Variants in APOO observed in about 807,000 individuals in gnomAD.
The protein encoded by APOO is apolipoprotein O, also known as MICOS complex subunit MIC26.
A neutral mutation model predicts 23.1 loss-of-function variants in APOO; 11 were observed. The observed-to-expected ratio is 0.48, with a 90% confidence interval of 0.30 to 0.79. The LOEUF (loss-of-function observed/expected upper bound fraction) is 0.79, where lower values mean the gene tolerates loss of function less well. Ranked by LOEUF, APOO falls within the 30% of genes least tolerant of loss-of-function variation. The pLI is 0.07. For missense variants in APOO, 160 were observed against 142.7 expected, an observed-to-expected ratio of 1.12 and a Z score of -0.62; for synonymous variants, 59 against 54.8, an observed-to-expected ratio of 1.08 and a Z score of -0.34.
chrX:23,902,843 G>A (rs768181105), intron 1 of APOO, among the ~76,000 whole-genome samples: 10 of 110,813 alleles, frequency 9.0e-5, no homozygotes, highest in Admixed American at 7.7e-4. Flanking sequence ...CCCAAACCCC[G>A]ATCAATCCTA....
intron 1 of APOO, among the ~76,000 whole-genome samples, chrX:23,900,751 G>T (rs1302357141): frequency 1.8e-5 from 2 of 108,520 alleles, no homozygotes; most frequent in African/African-American, 6.7e-5. Context: ...AGGCTGAAAA[G>T]ATTGCATCCA....
In APOO at chrX:23,858,628, A is replaced by G; in HGVS notation, c.480+14T>C. On this transcript the variant is annotated intron_variant, in intron 6 of 8. Transcript: ENST00000379226. Reference sequence around the variant, plus strand: ...AAGAATGAGGGACATCATGGATTACAGAGTTTCTCTTACCTGGGCAAACAC... The same window carrying G: ...AAGAATGAGGGACATCATGGATTACGGAGTTTCTCTTACCTGGGCAAACAC... The G allele has an allele frequency of 8.3e-7, 1 of 1,198,818 alleles. No homozygotes were observed. Among genetic ancestry groups the G allele is most frequent in the Non-Finnish European group, 1.1e-6 (1 of 886,360 alleles).
intron 8 of APOO, among the ~76,000 whole-genome samples, chrX:23,837,852 G>T (rs5925913): frequency 0.48 from 49,819 of 102,824 alleles, 12,146 homozygotes; most frequent in African/African-American, 0.89. Flanking sequence ...TAGAGACAGG[G>T]TTTCGCCATA....
intron 6 of APOO, 125 bp downstream of exon 6, chrX:23,858,517 C>T (rs1275048902): frequency 1.8e-6 from 1 of 568,968 alleles, no homozygotes; most frequent in East Asian, 3.6e-5. Context: ...CTGTATTCAT[C>T]TATATGTACA....
chrX:23,840,479 A>C, intron 7 of APOO, 102 bp from the exon 8 acceptor site: 1 of 757,990 alleles, frequency 1.3e-6, no homozygotes, highest in Non-Finnish European at 1.9e-6. Flanking sequence ...AAAAATTATT[A>C]TGGGGGACAG....
chrX:23,858,351 A>G (rs1327909073), intron 6 of APOO, among the ~76,000 whole-genome samples: 1 of 111,616 alleles, frequency 9.0e-6, no homozygotes, highest in African/African-American at 3.3e-5. Flanking sequence ...TTGAGTCTCT[A>G]GACTTCCATG....
intron 1 of APOO, among the ~76,000 whole-genome samples, chrX:23,907,385 G>A (rs948593766): frequency 8.9e-6 from 1 of 112,247 alleles, no homozygotes; most frequent in East Asian, 2.8e-4. Context: ...ACGATCCCAA[G>A]AGGGTACTAG....
intron 5 of APOO, 114 bp downstream of exon 5, chrX:23,868,479 G>A (rs1483999454): frequency 1.7e-5 from 9 of 524,097 alleles, no homozygotes; most frequent in African/African-American, 4.7e-5. Context: ...TAAGAAAGCC[G>A]TATTTAGGAA....
At chrX:23,892,148 A>G (rs1926683881) in intron 1 of APOO, among the ~76,000 whole-genome samples, 1 of 109,583 alleles carries the variant, frequency 9.1e-6, no homozygotes, top group African/African-American at 3.3e-5. Flanking sequence ...AAGTGGCGCA[A>G]TCTCGGCTCA....
At chrX:23,888,972 T>C (rs1360253700) in intron 1 of APOO, among the ~76,000 whole-genome samples, 2 of 95,218 alleles carry the variant, frequency 2.1e-5, no homozygotes, top group African/African-American at 4.1e-5. Flanking sequence ...AGACTCCATC[T>C]CTACAAAAAA....
intron 7 of APOO, among the ~76,000 whole-genome samples, chrX:23,844,412 C>T (rs1024114231): frequency 9.0e-6 from 1 of 110,897 alleles, no homozygotes; most frequent in Non-Finnish European, 1.9e-5. Flanking sequence ...TAATCAGTTG[C>T]CCTTAAAATA....
At chrX:23,887,539 A>C (rs376566221) in intron 1 of APOO, among the ~76,000 whole-genome samples, 1 of 109,710 alleles carries the variant, frequency 9.1e-6, no homozygotes, top group Non-Finnish European at 1.9e-5. Context: ...GCCTCCCCCA[A>C]ACTTTTTCTG....
intron 8 of APOO, among the ~76,000 whole-genome samples, chrX:23,839,659 T>G (rs1601878978): frequency 8.9e-6 from 1 of 112,202 alleles, no homozygotes; most frequent in South Asian, 3.6e-4. Context: ...CACTGAAAGA[T>G]ACACACTTTC....
At chrX:23,878,867 T>C (rs1925980161) in intron 3 of APOO, 48 bp downstream of exon 3, 1 of 1,187,450 alleles carries the variant, frequency 8.4e-7, no homozygotes, top group Non-Finnish European at 1.1e-6. Context: ...CTTTCCTCTA[T>C]GGACTCTAAA....
intron 1 of APOO, among the ~76,000 whole-genome samples, chrX:23,904,132 A>C (rs1030325270): frequency 1.1e-4 from 12 of 111,744 alleles, no homozygotes; most frequent in Non-Finnish European, 1.7e-4. Context: ...CATCTAGCTT[A>C]TATCTCCGTC....
rs752427957 is a variant in APOO at position 23,889,681 on chromosome X, A to G, written c.10-8729T>C. On this transcript the variant is annotated intron_variant, in intron 1 of 8. Transcript: ENST00000379226. ...GTTTTTTTTTTTTTTTTTTTTTTTT[A>G]AGACAGAGCCTCGCTCTGTCGCCCA... Among the ~76,000 whole-genome samples the G allele has an allele frequency of 4.5e-3, 296 of 65,934 alleles. 2 individuals carry two copies. Among genetic ancestry groups the G allele is most frequent in the African/African-American group, 0.014 (260 of 19,112 alleles). The allele number at this position is 65,934 out of a possible 115,157, so 57.3% of individuals were successfully genotyped here. A position where few individuals can be genotyped will look rare whatever the true frequency, so the allele number is the denominator to read the frequency against.
At chrX:23,899,605 T>TG (rs1927043697) in intron 1 of APOO, among the ~76,000 whole-genome samples, 2 of 112,140 alleles carry the variant, frequency 1.8e-5, no homozygotes, top group Admixed American at 1.9e-4. Context: ...TAAGCATTAT[T>TG]GGGGAAAATC....
chrX:23,899,920 G>A (rs1210599173), intron 1 of APOO, among the ~76,000 whole-genome samples: 1 of 112,057 alleles, frequency 8.9e-6, no homozygotes, highest in African/African-American at 3.2e-5. Context: ...CAGGCCTCAT[G>A]GGGTAATCAA....
intron 6 of APOO, among the ~76,000 whole-genome samples, chrX:23,857,832 A>G (rs998385145): frequency 1.3e-4 from 15 of 111,203 alleles, no homozygotes; most frequent in Non-Finnish European, 2.6e-4. Flanking sequence ...CTCACTCCAG[A>G]TATCACCCTT....
Sources: gnomAD v4.1 joint callset for allele counts (sites outside exome capture counted in the v4.1 genomes callset) on GRCh38, gnomAD v4.1.1 for gene constraint, MANE v1.5 for transcripts, NCBI Gene and HGNC (gene_info 2026-07-23, HGNC 2026-07-21) for gene names.